The following COL1A1 variants were observed in gnomAD, a reference collection of about 807,000 sequenced individuals.
The protein encoded by COL1A1 is collagen alpha-1(I) chain.
In COL1A1, 21 loss-of-function variants were observed where a neutral mutation model predicts 195.7. The ratio of observed to expected loss-of-function variants is 0.11; its 90% CI spans 0.08 to 0.15. The LOEUF is 0.15. Ranked by LOEUF, COL1A1 falls within the 10% of genes least tolerant of loss-of-function variation. The pLI, the probability that COL1A1 is intolerant of heterozygous loss-of-function variation, is 1.00. For missense variants in COL1A1, 1,365 were observed against 2,051.0 expected (o/e 0.67, Z 6.46); for synonymous variants, 749 against 747.3 (o/e 1.00, Z -0.04).
chr17:50,198,151 G>T lies in COL1A1; in HGVS notation c.588+10C>A, dbSNP rs1907760913. 2 of 1,614,038 alleles carry T rather than the reference G, an allele frequency of 1.2e-6. No individual in the cohort carries two copies. The highest frequency in any genetic ancestry group is 1.7e-6 in the Non-Finnish European group (2 of 1,179,962). On this transcript the variant is annotated intron_variant, in intron 7 of 50. Coordinates refer to ENST00000225964, the MANE Select transcript of COL1A1 (RefSeq NM_000088.4). ...CCAAGGAGGCATATGAAGACGTCCTGGATACTCACAGGTGCACCAGGGGGG... is the reference window on the plus strand; with the variant it reads ...CCAAGGAGGCATATGAAGACGTCCTTGATACTCACAGGTGCACCAGGGGGG...
rs1906376530 is a variant in COL1A1 at position 50,185,244 on chromosome 17, T to C, written c.*258A>G. 2.3e-6 allele frequency: 1 copy of C among 428,830 alleles called. No homozygotes were observed. The highest frequency in any genetic ancestry group is 2.2e-5 in the African/African-American group (1 of 45,660). 26.6% of individuals were successfully genotyped at this position (428,830 alleles called of 1,614,324 possible). On this transcript the variant is annotated 3_prime_UTR_variant, in exon 51 of 51. Coordinates refer to ENST00000225964, the MANE Select transcript of COL1A1 (RefSeq NM_000088.4). ...GGACCAAGCTTCCTTTTTTAAAAAG[T>C]TATTTATTTATTCTTTTTTTTTTTT...
rs1219152776 is a variant in COL1A1, at chr17:50,187,533, G to A, written c.3374C>T (p.Ser1125Phe). Reference sequence around the variant, plus strand: ...TCCAGAGGGACCTTGTTCACCAGGAGAGCCCTGAAGGACAGATAAAAAAGG... The same window carrying A: ...TCCAGAGGGACCTTGTTCACCAGGAAAGCCCTGAAGGACAGATAAAAAAGG... ...GLQGPPGPPG[S>F]PGEQGPSGAS... Residue 1125 changes from serine (S) to phenylalanine (F), a missense_variant, in exon 46 of 51, where the codon TCT becomes TTT. By Grantham distance (155) the Ser-to-Phe change is radical (BLOSUM62 -2). Around this residue, in one of 5 missense-constraint regions of COL1A1, gnomAD observed 671 missense variants for 1,099.9 expected, o/e 0.61. Coordinates refer to ENST00000225964, the MANE Select transcript of COL1A1 (RefSeq NM_000088.4). 6.2e-7 allele frequency: 1 copy of A among 1,613,920 alleles called. No individual in the cohort carries two copies. The highest frequency in any genetic ancestry group is 2.2e-5 in the East Asian group (1 of 44,890).
At chr17:50,191,661 T>G (rs1379355403) in intron 31 of COL1A1, 127 bp downstream of exon 31, 1 of 1,185,876 alleles carries the variant, frequency 8.4e-7, no homozygotes. Flanking sequence ...GCCCCTGCCC[T>G]GGTCTTTTCC....
At position 50,189,145 on chromosome 17, in the gene COL1A1, C is replaced by T. The variant is rs1369400655; in HGVS notation, c.2937+23G>A. 4 of 1,611,726 alleles carry T rather than the reference C, an allele frequency of 2.5e-6. No homozygotes were observed. The Admixed American group carries it at 5.0e-5, about 20-fold the overall frequency. On this transcript the variant is annotated intron_variant, in intron 40 of 50. Coordinates refer to ENST00000225964, the MANE Select transcript of COL1A1 (RefSeq NM_000088.4). The surrounding 1 kb of genome is among the most constrained non-coding windows in gnomAD (Gnocchi z 5.5). The stretch of plus-strand genomic sequence containing the variant: ...CCTGTGATGGTTTTTCTCAGGGCCC[C>T]CCAAGGTGAGGGGGGCACTTACAGA...
At position 50,190,805 on chromosome 17, in the gene COL1A1, C is replaced by A. The variant is rs373528389; in HGVS notation, c.2343+12G>T. 5 of 1,603,738 alleles carry A rather than the reference C, an allele frequency of 3.1e-6. No individual in the cohort carries two copies. In the Admixed American group the frequency reaches 6.7e-5, roughly 21 times the overall value. ...TGTGTTAGGGCAGAAGGTGGGGAGG[C>A]GGCCACCTCACCTTGTCACCAGGGG... On this transcript the variant is annotated intron_variant, in intron 33 of 50. Transcript: ENST00000225964. This position sits in a 1 kb window ranked among gnomAD's most constrained non-coding sequence, Gnocchi z 4.7.
At position 50,191,467 on chromosome 17, in the gene COL1A1, A is replaced by G. The variant is rs768803524; in HGVS notation, c.2151T>C (p.Ala717=). ...GGCCAGGGGCGCCCTGGCTACCGGG[A>G]GCTCCAGGGGCACCAGCATCACCCT... ...GAKGDAGAPG[A]PGSQGAPGLQ... is the part of the protein sequence containing the mutation. Residue 717 remains alanine (A), a synonymous_variant, in exon 32 of 51, where the codon GCT becomes GCC. Transcript: ENST00000225964. 1 of 1,613,846 alleles carries G rather than the reference A, an allele frequency of 6.2e-7. No individual in the cohort carries two copies. The highest frequency in any genetic ancestry group is 1.1e-5 in the South Asian group (1 of 91,076).
chr17:50,190,526 A>C lies in COL1A1; in HGVS notation c.2397+17T>G. 1 of 1,612,902 alleles carries C rather than the reference A, an allele frequency of 6.2e-7. No individual in the cohort carries two copies. Among genetic ancestry groups the C allele is most frequent in the Non-Finnish European group, 8.5e-7 (1 of 1,179,234 alleles). Reference sequence around the variant, plus strand: ...GAAGGGCCAAGTATGGGGTCTTAACAGGTCTTCTGTACTTACGGGGGCACC... The same window carrying C: ...GAAGGGCCAAGTATGGGGTCTTAACCGGTCTTCTGTACTTACGGGGGCACC... On this transcript the variant is annotated intron_variant, in intron 34 of 50. Coordinates refer to ENST00000225964, the MANE Select transcript of COL1A1 (RefSeq NM_000088.4). The surrounding 1 kb of genome is among the most constrained non-coding windows in gnomAD (Gnocchi z 4.7).
In COL1A1 at chr17:50,185,970, C is replaced by T. The variant is rs1374688812; in HGVS notation, c.4056G>A (p.Leu1352=). ...GSDPADVAIQ[L]TFLRLMSTEA... ...CGGTGGACATCAGGCGCAGGAAGGT[C>T]AGCTGGATGGCCACATCGGCAGGGT... The change falls in exon 50 of 51, where the codon CTG becomes CTA. Residue 1352 remains leucine, a synonymous_variant. Coordinates refer to ENST00000225964, the MANE Select transcript of COL1A1 (RefSeq NM_000088.4). The T allele has an allele frequency of 1.2e-6, 2 of 1,613,754 alleles. No individual in the cohort carries two copies. Among genetic ancestry groups the T allele is most frequent in the Non-Finnish European group, 8.5e-7 (1 of 1,180,002 alleles).
At position 50,195,496 on chromosome 17, in the gene COL1A1, G is replaced by A. The variant is rs1227183168; in HGVS notation, c.1156-18C>T. ...GGGTTTCCCTGTGGCACAGAGAAAG[G>A]AGTGTCAGCAACAGGCAAGGACTCT... On this transcript the variant is annotated intron_variant, in intron 17 of 50. Transcript: ENST00000225964. This position sits in a 1 kb window ranked among gnomAD's most constrained non-coding sequence, Gnocchi z 4.3. 36 of 1,613,972 alleles carry A rather than the reference G, an allele frequency of 2.2e-5. No individual in the cohort carries two copies. In the Admixed American group the frequency reaches 4.8e-4, roughly 22 times the overall value.
rs1906453973 is a variant in COL1A1, at chr17:50,185,800, C to A, written c.4226G>T (p.Ser1409Ile). The change falls in exon 50 of 51, where the codon AGC (serine) becomes ATC (isoleucine). Residue 1409 changes from serine to isoleucine, a missense_variant. Coordinates refer to ENST00000225964, the MANE Select transcript of COL1A1 (RefSeq NM_000088.4). ...RAEGNSRFTY[S>I]VTVDGCTSHT... ...CACCGTGCAGCCATCGACAGTGACG[C>A]TGTAGGTGAAGCGGCTGTTGCCCTC... The A allele has an allele frequency of 6.2e-7, 1 of 1,613,972 alleles. No individual in the cohort carries two copies. Among genetic ancestry groups the A allele is most frequent in the Non-Finnish European group, 8.5e-7 (1 of 1,180,030 alleles).
At position 50,191,769 on chromosome 17, in the gene COL1A1, C is replaced by A; in HGVS notation, c.2127+19G>T. 2 of 1,561,046 alleles carry A rather than the reference C, an allele frequency of 1.3e-6. No individual in the cohort carries two copies. The highest frequency in any genetic ancestry group is 1.7e-6 in the Non-Finnish European group (2 of 1,151,898). On this transcript the variant is annotated intron_variant, in intron 31 of 50. Coordinates refer to ENST00000225964, the MANE Select transcript of COL1A1 (RefSeq NM_000088.4). ...GGTCCCTGGGCCACTTGCCAGAGCC[C>A]CTTCCACGCTGCCCTCACCTTAGCA...
At position 50,186,674 on chromosome 17, in the gene COL1A1, A is replaced by G. The variant is rs1598285316; in HGVS notation, c.3780T>C (p.Arg1260=). Residue 1260 remains arginine, a synonymous_variant, in exon 48 of 51, where the codon CGT becomes CGC. Transcript: ENST00000225964. The surrounding 1 kb of genome is among the most constrained non-coding windows in gnomAD (Gnocchi z 5.3). ...GSRKNPARTC[R]DLKMCHSDWK... is the part of the protein sequence containing the mutation. The stretch of plus-strand genomic sequence containing the variant: ...AGTCAGAGTGGCACATCTTGAGGTC[A>G]CGGCAGGTGCGGGCGGGGTTCTTGC... 1.2e-6 allele frequency: 2 copies of G among 1,613,690 alleles called. No homozygotes were observed. The highest frequency in any genetic ancestry group is 1.7e-6 in the Non-Finnish European group (2 of 1,179,934).
intron 29 of COL1A1, 83 bp from the exon 30 acceptor site, chr17:50,192,107 G>C: frequency 6.9e-7 from 1 of 1,452,498 alleles, no homozygotes. Flanking sequence ...CTTCCTCCTG[G>C]GGTCTGGCCG....
chr17:50,199,958 C>A lies in COL1A1; in HGVS notation c.104-11G>T, dbSNP rs751583644. The A allele has an allele frequency of 2.5e-6, 4 of 1,613,980 alleles. No homozygotes were observed. The highest frequency in any genetic ancestry group is 1.1e-5 in the South Asian group (1 of 91,074). On this transcript the variant is annotated splice_polypyrimidine_tract_variant and intron_variant, in intron 1 of 50. Transcript: ENST00000225964. Reference sequence around the variant, plus strand: ...AGGTGATTGGTGGGACTGGGACAGGCGGAAGAGGGGCGTTGTCAGTAGTGA... The same window carrying A: ...AGGTGATTGGTGGGACTGGGACAGGAGGAAGAGGGGCGTTGTCAGTAGTGA...
Position 50,196,549 on chromosome 17 carries a change from AGT to A in COL1A1, c.859-23_859-22del, listed in dbSNP as rs752134000. 9 of 1,614,176 alleles carry A rather than the reference AGT, an allele frequency of 5.6e-6. No individual in the cohort carries two copies. In the East Asian group the frequency reaches 2.0e-4, roughly 36 times the overall value. ...TCACCCTGTAGATCAGAGAATAATG[AGT>A]GAGAAATTCATTCATGGTGGGACTC... is the stretch of plus-strand genomic sequence containing the variant. On this transcript the variant is annotated intron_variant, in intron 12 of 50. Transcript: ENST00000225964.
rs1417553001 is a variant in COL1A1 at position 50,189,102 on chromosome 17, CTCCGCCCCACTCCAAG to C, written c.2937+50_2937+65del. On this transcript the variant is annotated intron_variant, in intron 40 of 50. Coordinates refer to ENST00000225964, the MANE Select transcript of COL1A1 (RefSeq NM_000088.4). The surrounding 1 kb of genome is among the most constrained non-coding windows in gnomAD (Gnocchi z 5.5). ...TCTCTACCAAATCTGTTCTCCTTGG[CTCCGCCCCACTCCAAG>C]TCCTGTGATGGTTTTTCTCAGGGCC... 3.1e-6 allele frequency: 5 copies of C among 1,589,518 alleles called. No homozygotes were observed. The African/African-American group carries it at 5.4e-5, about 17-fold the overall frequency.
At chr17:50,196,585 T>G in intron 12 of COL1A1, 32 bp downstream of exon 12, 1 of 1,614,086 alleles carries the variant, frequency 6.2e-7, no homozygotes, top group Non-Finnish European at 8.5e-7. Context: ...TCTGGGGATG[T>G]GGAGGACCAT....
chr17:50,194,721 A>T lies in COL1A1; in HGVS notation c.1461T>A (p.Arg487=). The T allele has an allele frequency of 2.6e-6, 4 of 1,565,574 alleles. No homozygotes were observed. The highest frequency in any genetic ancestry group is 3.5e-6 in the Non-Finnish European group (4 of 1,154,590). Reference sequence around the variant, plus strand: ...GGAGGGGGCGGGCAGGGACACTTACACGCTCGCCAGGGGGTCCGGGCAGGC... The same window carrying T: ...GGAGGGGGCGGGCAGGGACACTTACTCGCTCGCCAGGGGGTCCGGGCAGGC... ...PTGLPGPPGE[R]GGPGSRGFPG... Residue 487 remains arginine (R), a splice_region_variant and synonymous_variant, in exon 21 of 51, where the codon CGT becomes CGA. Coordinates refer to ENST00000225964, the MANE Select transcript of COL1A1 (RefSeq NM_000088.4). The surrounding 1 kb of genome is among the most constrained non-coding windows in gnomAD (Gnocchi z 6.8).
In COL1A1 at chr17:50,190,198, C is replaced by A. The variant is rs1432812099; in HGVS notation, c.2452-90G>T. On this transcript the variant is annotated intron_variant, in intron 35 of 50. Coordinates refer to ENST00000225964, the MANE Select transcript of COL1A1 (RefSeq NM_000088.4). The surrounding 1 kb of genome is among the most constrained non-coding windows in gnomAD (Gnocchi z 4.7). ...GAGCAGTAATGGAGGCAGGAAGATG[C>A]TTGGGTGGGAAACAATCCCGTCTCC... is the stretch of plus-strand genomic sequence containing the variant. 2.3e-6 allele frequency: 3 copies of A among 1,302,936 alleles called. No homozygotes were observed. The highest frequency in any genetic ancestry group is 2.9e-5 in the African/African-American group (2 of 68,940). 80.7% of individuals were successfully genotyped at this position (1,302,936 alleles called of 1,614,324 possible).
Sources: allele counts gnomAD v4.1 joint callset, GRCh38; gene constraint gnomAD v4.1.1; regional missense constraint gnomAD v4.1.1; non-coding constraint Gnocchi (gnomAD v3.1); transcripts MANE v1.5; gene names NCBI Gene and HGNC (gene_info 2026-07-23, HGNC 2026-07-21).